KLHL1: variants seen among roughly 807,000 people sequenced by gnomAD.
KLHL1 encodes kelch-like protein 1.
Under a neutral mutation model 77.7 loss-of-function variants are expected in KLHL1, and 47 were observed. The observed-to-expected ratio is 0.60, with a 90% CI of 0.48 to 0.77. KLHL1 has a LOEUF of 0.77. KLHL1 is among the 30% of genes least tolerant of loss of function. KLHL1 has a pLI of 0.00. For missense variants in KLHL1, 925 were observed against 910.8 expected (o/e 1.02, Z -0.20); for synonymous variants, 360 against 325.2 (o/e 1.11, Z -1.15).
chr13:69,828,546 C>T (rs112697882), intron 6 of KLHL1, among the ~76,000 whole-genome samples: 23 of 150,020 alleles, frequency 1.5e-4, no homozygotes, highest in African/African-American at 3.7e-4. Context: ...CAATCCAGGG[C>T]GGAGTGCAAA....
In KLHL1 at chr13:70,108,057, G is replaced by C. The variant is rs1357440514; in HGVS notation, c.-358C>G. 2.4e-6 allele frequency: 1 copy of C among 424,850 alleles called. No homozygotes were observed. The highest frequency in any genetic ancestry group is 3.4e-5 in the East Asian group (1 of 29,272). The allele number at this position is 424,850 out of a possible 1,614,324, so 26.3% of individuals were successfully genotyped here. A position where few individuals can be genotyped will look rare whatever the true frequency, so the allele number is the denominator to read the frequency against. On this transcript the variant is annotated 5_prime_UTR_variant, in exon 1 of 11. Transcript: ENST00000377844. ...TTAGGCTGGAGATGCGCGAGGGAGGGAGGTCTGAGCGCTCCGAAGCTCCGG... is the reference window on the plus strand; with the variant it reads ...TTAGGCTGGAGATGCGCGAGGGAGGCAGGTCTGAGCGCTCCGAAGCTCCGG...
chr13:69,864,153 A>C (rs1028894516), intron 5 of KLHL1, among the ~76,000 whole-genome samples: 10 of 151,964 alleles, frequency 6.6e-5, no homozygotes, highest in Non-Finnish European at 1.2e-4. Flanking sequence ...ACTTTTATAA[A>C]AGCAAGAAGT....
intron 7 of KLHL1, among the ~76,000 whole-genome samples, chr13:69,770,580 C>A (rs939811177): frequency 1.3e-5 from 2 of 152,142 alleles, no homozygotes; most frequent in African/African-American, 4.8e-5. Flanking sequence ...CTCAGGCAAT[C>A]CTCCTGCCTT....
rs556448217 is a variant in KLHL1, at chr13:69,972,127, A to G, written c.680+3493T>C. On this transcript the variant is annotated intron_variant, in intron 2 of 10. Transcript: ENST00000377844. ...TATTAAAGATAATCTATGTAAATAA[A>G]TTTTCCATCAACATAGAGAAGCAGT... 2.7e-4 allele frequency among the ~76,000 whole-genome samples: 41 copies of G among 152,052 alleles called. 1 individual carries two copies. The South Asian group carries it at 8.3e-3, about 31-fold the overall frequency.
chr13:69,781,297 T>TG (rs901929492), intron 7 of KLHL1, among the ~76,000 whole-genome samples: 2 of 149,540 alleles, frequency 1.3e-5, no homozygotes, highest in Admixed American at 6.7e-5. Context: ...TTTTTTTTTT[T>TG]TTTTTTTTGT....
At chr13:69,713,700 G>T (rs1482712680) in intron 9 of KLHL1, among the ~76,000 whole-genome samples, 1 of 150,248 alleles carries the variant, frequency 6.7e-6, no homozygotes, top group African/African-American at 2.5e-5. Context: ...TATTTGAAAT[G>T]AGAATATTTT....
intron 6 of KLHL1, among the ~76,000 whole-genome samples, chr13:69,806,979 C>T (rs1174548681): frequency 6.6e-6 from 1 of 152,200 alleles, no homozygotes; most frequent in Non-Finnish European, 1.5e-5. Flanking sequence ...TTCTTGTTCA[C>T]ACTACATGCC....
chr13:69,714,549 A>G (rs780172969), intron 9 of KLHL1, among the ~76,000 whole-genome samples: 4 of 152,132 alleles, frequency 2.6e-5, no homozygotes, highest in South Asian at 2.1e-4. Flanking sequence ...AACCATAATT[A>G]GCACTATAAA....
At chr13:70,066,533 T>C (rs750889487) in intron 1 of KLHL1, among the ~76,000 whole-genome samples, 2 of 152,214 alleles carry the variant, frequency 1.3e-5, no homozygotes, top group African/African-American at 4.8e-5. Context: ...CATTAAACAC[T>C]GCTTTGGGAA....
chr13:70,008,760 GAATA>G (rs1885462816), intron 1 of KLHL1, among the ~76,000 whole-genome samples: 1 of 152,022 alleles, frequency 6.6e-6, no homozygotes, highest in African/African-American at 2.4e-5. Context: ...GAATTGCACT[GAATA>G]TATATGCCAA....
At chr13:69,986,440 TC>T (rs770300275) in intron 1 of KLHL1, among the ~76,000 whole-genome samples, 10 of 152,024 alleles carry the variant, frequency 6.6e-5, no homozygotes, top group Non-Finnish European at 1.5e-4. Flanking sequence ...CACACTGTAC[TC>T]CAGAAATATG....
At chr13:69,738,389 G>A (rs1047242270) in intron 8 of KLHL1, among the ~76,000 whole-genome samples, 1 of 152,142 alleles carries the variant, frequency 6.6e-6, no homozygotes, top group Non-Finnish European at 1.5e-5. Flanking sequence ...GAACTGGGCG[G>A]AGGCTGAAAT....
chr13:70,103,527 T>C (rs919318496), intron 1 of KLHL1, among the ~76,000 whole-genome samples: 1 of 151,972 alleles, frequency 6.6e-6, no homozygotes, highest in Non-Finnish European at 1.5e-5. Flanking sequence ...GCAAAGATAA[T>C]GAGGGGAGGT....
intron 5 of KLHL1, among the ~76,000 whole-genome samples, chr13:69,839,809 T>A (rs899251090): frequency 5.9e-5 from 9 of 152,058 alleles, no homozygotes; most frequent in African/African-American, 2.2e-4. Context: ...TATTTTTTGC[T>A]ATAATAGGTT....
At chr13:69,920,564 C>T (rs550898662) in intron 4 of KLHL1, among the ~76,000 whole-genome samples, 1 of 152,006 alleles carries the variant, frequency 6.6e-6, no homozygotes, top group African/African-American at 2.4e-5. Context: ...AGCAATATAA[C>T]AATGTATAAA....
intron 6 of KLHL1, among the ~76,000 whole-genome samples, chr13:69,825,542 T>A (rs1395529977): frequency 2.0e-5 from 3 of 152,274 alleles, no homozygotes; most frequent in Non-Finnish European, 2.9e-5. Flanking sequence ...TATATTTATA[T>A]TTTGTATTTT....
chr13:69,775,923 C>A (rs957012471), intron 7 of KLHL1, among the ~76,000 whole-genome samples: 1 of 151,586 alleles, frequency 6.6e-6, no homozygotes, highest in Non-Finnish European at 1.5e-5. Flanking sequence ...GAGGCCGAGG[C>A]GGGAGGATCA....
intron 3 of KLHL1, among the ~76,000 whole-genome samples, chr13:69,958,328 C>T (rs949228857): frequency 1.3e-4 from 19 of 151,730 alleles, no homozygotes; most frequent in African/African-American, 4.6e-4. Context: ...CATTGCTTCT[C>T]ATCTAATTTT....
chr13:69,913,675 G>A (rs1346825858), intron 4 of KLHL1, among the ~76,000 whole-genome samples: 1 of 152,208 alleles, frequency 6.6e-6, no homozygotes, highest in Admixed American at 6.5e-5. Context: ...GACACTAGGA[G>A]GGAATGGATT....
Sources: gnomAD v4.1 joint callset for allele counts (sites outside exome capture counted in the v4.1 genomes callset) on GRCh38, gnomAD v4.1.1 for gene constraint, MANE v1.5 for transcripts, NCBI Gene and HGNC (gene_info 2026-07-23, HGNC 2026-07-21) for gene names.